Variants in SIRPD observed in about 807,000 individuals in gnomAD.
The protein encoded by SIRPD is signal regulatory protein delta.
Under a neutral mutation model 18.0 loss-of-function variants are expected in SIRPD, and 21 were observed. The ratio of observed to expected loss-of-function variants is 1.17; its 90% CI spans 0.83 to 1.68. The LOEUF (loss-of-function observed/expected upper bound fraction) is 1.68. Ranked by LOEUF, SIRPD falls within the 40% of genes most tolerant of loss-of-function variation. The pLI, the probability that SIRPD is intolerant of heterozygous loss-of-function variation, is 0.00. For missense variants in SIRPD, 295 were observed against 238.4 expected, an observed-to-expected ratio of 1.24 and a Z score of -1.56; for synonymous variants, 106 against 92.9, an observed-to-expected ratio of 1.14 and a Z score of -0.81.
intron 2 of SIRPD, among the ~76,000 whole-genome samples, chr20:1,542,167 AT>A (rs2090974894): frequency 6.6e-6 from 1 of 152,160 alleles, no homozygotes; most frequent in Admixed American, 6.5e-5. Flanking sequence ...TTTTTTTCTA[AT>A]TCTGTGAAAA....
rs370018372 is a variant in SIRPD, at chr20:1,537,268, G to C, written c.464C>G (p.Ala155Gly). 12 of 1,614,002 alleles carry C rather than the reference G, an allele frequency of 7.4e-6. No homozygotes were observed. Among genetic ancestry groups the C allele is most frequent in the Non-Finnish European group, 1.0e-5 (12 of 1,180,014 alleles). ...RPPKNRPAGR[A>G]GSRAHHDAHT... is the part of the protein sequence containing the mutation. ...GGCATCATGGTGGGCCCTGGAGCCTGCTCTGCCTGCAGGTCTGTTCTTGGG... is the reference window on the plus strand; with the variant it reads ...GGCATCATGGTGGGCCCTGGAGCCTCCTCTGCCTGCAGGTCTGTTCTTGGG... The change falls in exon 3 of 4, where the codon GCA becomes GGA. Residue 155 changes from alanine to glycine, a missense_variant. Physicochemically the swap from Ala to Gly is moderately conservative, Grantham distance 60 (BLOSUM62 0). Coordinates refer to ENST00000381623, the MANE Select transcript of SIRPD (RefSeq NM_178460.3).
rs1298980820 is a variant in SIRPD at position 1,551,923 on chromosome 20, C to A, written c.189G>T (p.Leu63Phe). Reference sequence around the variant, plus strand: ...GGTTTGGCCCTGTTCCCTTGAACCACAAGACAGGTCCATTTGGTAAGGTAT... The same window carrying A: ...GGTTTGGCCCTGTTCCCTTGAACCAAAAGACAGGTCCATTTGGTAAGGTAT... ...VPNTLPNGPV[L>F]WFKGTGPNRK... is the part of the protein sequence containing the mutation. Residue 63 changes from leucine to phenylalanine, a missense_variant, in exon 2 of 4, where the codon TTG becomes TTT. Physicochemically the swap from Leu to Phe is conservative, Grantham distance 22. Coordinates refer to ENST00000381623, the MANE Select transcript of SIRPD (RefSeq NM_178460.3). 6.2e-7 allele frequency: 1 copy of A among 1,614,086 alleles called. No homozygotes were observed. The highest frequency in any genetic ancestry group is 1.7e-5 in the Admixed American group (1 of 60,012).
At chr20:1,545,325 T>G (rs550243807) in intron 2 of SIRPD, among the ~76,000 whole-genome samples, 3 of 152,218 alleles carry the variant, frequency 2.0e-5, no homozygotes, top group Non-Finnish European at 4.4e-5. Flanking sequence ...TTTCACTCTT[T>G]TTTCTCTAAT....
intron 1 of SIRPD, among the ~76,000 whole-genome samples, chr20:1,556,359 TA>T (rs1287817819): frequency 6.6e-6 from 1 of 152,188 alleles, no homozygotes; most frequent in Non-Finnish European, 1.5e-5. Context: ...CTCCATTGAA[TA>T]AAAAGAGGAA....
chr20:1,541,546 C>A (rs1029942093), intron 2 of SIRPD, among the ~76,000 whole-genome samples: 4 of 152,022 alleles, frequency 2.6e-5, no homozygotes, highest in Non-Finnish European at 5.9e-5. Flanking sequence ...TAGCCCTTTG[C>A]CAGATGGATA....
At position 1,557,586 on chromosome 20, in the gene SIRPD, A is replaced by G; in HGVS notation, c.68T>C (p.Leu23Pro). The G allele has an allele frequency of 3.2e-6, 5 of 1,574,332 alleles. No individual in the cohort carries two copies. The highest frequency in any genetic ancestry group is 4.3e-6 in the Non-Finnish European group (5 of 1,159,804). Residue 23 changes from leucine to proline, a missense_variant, in exon 1 of 4, where the codon CTG becomes CCG. Coordinates refer to ENST00000381623, the MANE Select transcript of SIRPD (RefSeq NM_178460.3). Reference protein sequence around the residue: ...PSLLLYLLLELAGVTHVFHVQ... With the variant: ...PSLLLYLLLEPAGVTHVFHVQ... ...TACACTGAGGCCCCACTCACCTGCCAGTTCAAGCAGCAGATACAGCAGTAA... is the reference window on the plus strand; with the variant it reads ...TACACTGAGGCCCCACTCACCTGCCGGTTCAAGCAGCAGATACAGCAGTAA...
intron 2 of SIRPD, among the ~76,000 whole-genome samples, chr20:1,543,067 C>T (rs2123126012): frequency 6.6e-6 from 1 of 152,288 alleles, no homozygotes; most frequent in Non-Finnish European, 1.5e-5. Flanking sequence ...TCGATGTGTT[C>T]ATCAGGGATA....
At chr20:1,543,762 A>C (rs2090982050) in intron 2 of SIRPD, among the ~76,000 whole-genome samples, 1 of 152,168 alleles carries the variant, frequency 6.6e-6, no homozygotes, top group Non-Finnish European at 1.5e-5. Context: ...TAGTGCTATA[A>C]ATTTCCCTCT....
intron 2 of SIRPD, among the ~76,000 whole-genome samples, chr20:1,544,549 G>A (rs188693934): frequency 2.2e-4 from 33 of 151,586 alleles, no homozygotes; most frequent in African/African-American, 5.6e-4. Context: ...ACAACACACC[G>A]ATGGGTCTTG....
At chr20:1,552,953 C>G (rs1201408515) in intron 1 of SIRPD, among the ~76,000 whole-genome samples, 1 of 152,140 alleles carries the variant, frequency 6.6e-6, no homozygotes, top group Non-Finnish European at 1.5e-5. Flanking sequence ...GTCAGTTCTC[C>G]TGGTAGAACT....
chr20:1,554,045 AACACGTC>A (rs2091029788), intron 1 of SIRPD: 1 of 152,638 alleles, frequency 6.6e-6, no homozygotes, highest in African/African-American at 2.4e-5. Context: ...ATCCTCTGGC[AACACGTC>A]ACTGATGCGA....
Position 1,537,145 on chromosome 20 carries a change from G to C in SIRPD, c.577+10C>G, listed in dbSNP as rs1239422904. 6.2e-7 allele frequency: 1 copy of C among 1,612,698 alleles called. No individual in the cohort carries two copies. Among genetic ancestry groups the C allele is most frequent in the Admixed American group, 1.7e-5 (1 of 59,934 alleles). On this transcript the variant is annotated intron_variant, in intron 3 of 3. Transcript: ENST00000381623. Reference sequence around the variant, plus strand: ...CCTGCATCATGGTACCTGAGGGTGGGGGCACTCACCTGTGAGTCCCAGCAG... The same window carrying C: ...CCTGCATCATGGTACCTGAGGGTGGCGGCACTCACCTGTGAGTCCCAGCAG...
chr20:1,552,053 A>C lies in SIRPD; in HGVS notation c.74-15T>G, dbSNP rs768835234. The stretch of plus-strand genomic sequence containing the variant: ...ATGTGTGACTCCTGGAAAAAAGCTG[A>C]AAATCATTTCTCATTTCCCCTGTTC... On this transcript the variant is annotated splice_polypyrimidine_tract_variant and intron_variant, in intron 1 of 3. Transcript: ENST00000381623. 3 of 1,603,924 alleles carry C rather than the reference A, an allele frequency of 1.9e-6. No individual in the cohort carries two copies. The highest frequency in any genetic ancestry group is 2.6e-6 in the Non-Finnish European group (3 of 1,172,586).
intron 1 of SIRPD, among the ~76,000 whole-genome samples, chr20:1,556,539 T>G (rs1218917641): frequency 1.3e-5 from 2 of 152,232 alleles, no homozygotes; most frequent in Admixed American, 6.5e-5. Context: ...TAGCTCAGAA[T>G]GTGACCTTAC....
chr20:1,536,112 A>G (rs2090944102), intron 3 of SIRPD, among the ~76,000 whole-genome samples: 1 of 152,202 alleles, frequency 6.6e-6, no homozygotes, highest in South Asian at 2.1e-4. Context: ...GAGAGTTGCA[A>G]TGGCCGGATG....
intron 2 of SIRPD, among the ~76,000 whole-genome samples, chr20:1,543,181 T>A (rs560187524): frequency 6.6e-6 from 1 of 152,208 alleles, no homozygotes; most frequent in Non-Finnish European, 1.5e-5. Context: ...CTTTTTCTAT[T>A]GTTTGGAATA....
intron 2 of SIRPD, among the ~76,000 whole-genome samples, chr20:1,550,777 G>A: frequency 6.6e-6 from 1 of 152,126 alleles, no homozygotes; most frequent in East Asian, 1.9e-4. Context: ...CCTGAGTTAG[G>A]TTCCTCATCT....
intron 1 of SIRPD, among the ~76,000 whole-genome samples, chr20:1,553,466 A>T (rs560324628): frequency 6.6e-6 from 1 of 152,240 alleles, no homozygotes; most frequent in African/African-American, 2.4e-5. Context: ...CTATGTTGAG[A>T]TTCCATCAGA....
chr20:1,534,278 T>C lies in SIRPD; in HGVS notation c.*147A>G. 1 of 1,077,448 alleles carries C rather than the reference T, an allele frequency of 9.3e-7. No individual in the cohort carries two copies. Among genetic ancestry groups the C allele is most frequent in the Admixed American group, 2.2e-5 (1 of 46,426 alleles). The allele number at this position is 1,077,448 out of a possible 1,614,324, so 66.7% of individuals were successfully genotyped here. A position where few individuals can be genotyped will look rare whatever the true frequency, so the allele number is the denominator to read the frequency against. ...GGACCCAGGTAAATAGACAGATTTA[T>C]TGTACGATCAAGCTGGCATTTTATG... is the stretch of plus-strand genomic sequence containing the variant. On this transcript the variant is annotated 3_prime_UTR_variant, in exon 4 of 4. Coordinates refer to ENST00000381623, the MANE Select transcript of SIRPD (RefSeq NM_178460.3).
Sources: allele counts gnomAD v4.1 joint callset (sites outside exome capture counted in the v4.1 genomes callset), GRCh38; gene constraint gnomAD v4.1.1; transcripts MANE v1.5; gene names NCBI Gene and HGNC (gene_info 2026-07-23, HGNC 2026-07-21).